The following GUF1 variants were observed in gnomAD, a reference collection of about 807,000 sequenced individuals.
The protein encoded by GUF1 is GTP binding elongation factor GUF1.
GUF1 carries 78 observed loss-of-function variants against 82.4 expected under a neutral mutation model. The observed-to-expected ratio is 0.95, with a 90% CI of 0.79 to 1.14. GUF1 has a LOEUF of 1.14. Ranked by LOEUF, GUF1 falls within the 50% of genes most tolerant of loss-of-function variation. The pLI, the probability that GUF1 is intolerant of heterozygous loss-of-function variation, is 0.00. For synonymous variants in GUF1, 279 were observed against 282.3 expected (o/e 0.99, Z 0.12); for missense variants, 814 against 798.2 (o/e 1.02, Z -0.24).
In GUF1 at chr4:44,683,230, TAAAGA is replaced by T; in HGVS notation, c.586-4_586del. The T allele has an allele frequency of 6.6e-7, 1 of 1,522,416 alleles. No homozygotes were observed. Among genetic ancestry groups the T allele is most frequent in the African/African-American group, 1.4e-5 (1 of 70,746 alleles). 94.3% of individuals were successfully genotyped at this position (1,522,416 alleles called of 1,614,324 possible). A position where few individuals can be genotyped will look rare whatever the true frequency, so the allele number is the denominator to read the frequency against. ...ACTTCACATAATGGATTTTTTTTTTTAAAGATAGATCTGAAGAATGCTGATCCTGA... is the reference window on the plus strand; with the variant it reads ...ACTTCACATAATGGATTTTTTTTTTTTAGATCTGAAGAATGCTGATCCTGA... On this transcript the variant is annotated splice_acceptor_variant and splice_polypyrimidine_tract_variant and coding_sequence_variant and intron_variant, in exon 6 of 17. Coordinates refer to ENST00000281543, the MANE Select transcript of GUF1 (RefSeq NM_021927.3). LOFTEE classifies it high-confidence loss of function.
intron 5 of GUF1, 102 bp from the exon 6 acceptor site, chr4:44,683,133 T>G: frequency 1.6e-6 from 1 of 617,460 alleles, no homozygotes; most frequent in Non-Finnish European, 2.7e-6. Context: ...GAGGGGTCAG[T>G]TAGGTTAAAG....
rs1716174776 is a variant in GUF1 at position 44,700,557 on chromosome 4, A to G, written c.*1876A>G. The G allele has an allele frequency of 6.6e-6, 1 of 152,118 alleles. No individual in the cohort carries two copies. Among genetic ancestry groups the G allele is most frequent in the African/African-American group, 2.4e-5 (1 of 41,508 alleles). 9.4% of individuals were successfully genotyped at this position (152,118 alleles called of 1,614,324 possible). On this transcript the variant is annotated 3_prime_UTR_variant, in exon 17 of 17. Transcript: ENST00000281543. ...CCTTACACATACTGATTGATGTCTC[A>G]TGTCTCTCTAAAATGTGTAAAACCA...
At chr4:44,684,614 C>T (rs1365362300) in intron 6 of GUF1, among the ~76,000 whole-genome samples, 1 of 151,970 alleles carries the variant, frequency 6.6e-6, no homozygotes, top group Non-Finnish European at 1.5e-5. Context: ...TTAATGGTAG[C>T]CCAGATGTGA....
At chr4:44,678,933 A>C (rs1041344541) in intron 1 of GUF1, 146 bp downstream of exon 1, 10 of 777,560 alleles carry the variant, frequency 1.3e-5, no homozygotes, top group African/African-American at 1.1e-4. Flanking sequence ...GAGTGTGAGC[A>C]CTGCTCAGGT....
intron 7 of GUF1, 151 bp downstream of exon 7, chr4:44,686,174 T>G: frequency 1.6e-6 from 1 of 632,416 alleles, no homozygotes; most frequent in Non-Finnish European, 2.8e-6. Context: ...ATAAATTTAT[T>G]TGCTTTTAGT....
chr4:44,691,308 A>C (rs1715427681), intron 12 of GUF1, among the ~76,000 whole-genome samples: 1 of 151,716 alleles, frequency 6.6e-6, no homozygotes, highest in Admixed American at 6.6e-5. Flanking sequence ...ACATATTGGA[A>C]AGTGTGTCAA....
chr4:44,697,343 G>A (rs1715890688), intron 15 of GUF1, 65 bp from the exon 16 acceptor site: 7 of 934,796 alleles, frequency 7.5e-6, no homozygotes, highest in South Asian at 7.4e-5. Flanking sequence ...ATTGTTTTTG[G>A]TAAGGAAGTG....
chr4:44,698,970 T>C lies in GUF1; in HGVS notation c.*289T>C, dbSNP rs1466710064. On this transcript the variant is annotated 3_prime_UTR_variant, in exon 17 of 17. Coordinates refer to ENST00000281543, the MANE Select transcript of GUF1 (RefSeq NM_021927.3). Reference sequence around the variant, plus strand: ...ATACTACTACCTACATAAGTTGTTGTTGTGAAGATTAAATGAGGTAATACG... The same window carrying C: ...ATACTACTACCTACATAAGTTGTTGCTGTGAAGATTAAATGAGGTAATACG... 1.6e-5 allele frequency: 4 copies of C among 255,146 alleles called. No homozygotes were observed. The highest frequency in any genetic ancestry group is 2.2e-5 in the Non-Finnish European group (3 of 134,400). 15.8% of individuals were successfully genotyped at this position (255,146 alleles called of 1,614,324 possible). A position where few individuals can be genotyped will look rare whatever the true frequency, so the allele number is the denominator to read the frequency against.
rs369135842 is a variant in GUF1, at chr4:44,680,716, T to C, written c.300T>C (p.Asn100=). ...TAGGGACAATTGATAAAACAAAGAA[T>C]AATAAGCAGGTTCTTGATAAATTGC... ...ELTGTIDKTK[N]NKQVLDKLQV... is the part of the protein sequence containing the mutation. The change falls in exon 3 of 17, where the codon AAT becomes AAC. Residue 100 remains asparagine, a synonymous_variant. Coordinates refer to ENST00000281543, the MANE Select transcript of GUF1 (RefSeq NM_021927.3). The C allele has an allele frequency of 6.2e-6, 10 of 1,605,238 alleles. No individual in the cohort carries two copies. The highest frequency in any genetic ancestry group is 1.7e-4 in the Middle Eastern group (1 of 6,058).
At chr4:44,687,974 C>T (rs754185214) in intron 8 of GUF1, 33 bp from the exon 9 acceptor site, 7 of 1,583,538 alleles carry the variant, frequency 4.4e-6, no homozygotes, top group Admixed American at 1.7e-5. Context: ...AACATTAAAG[C>T]AGTAAATATT....
intron 8 of GUF1, among the ~76,000 whole-genome samples, chr4:44,687,796 A>G (rs1358310306): frequency 1.3e-5 from 2 of 151,908 alleles, no homozygotes; most frequent in African/African-American, 2.4e-5. Context: ...CATTAGGTTT[A>G]TAAGTAGAGA....
chr4:44,680,644 C>CTT, intron 2 of GUF1, 50 bp from the exon 3 acceptor site: 21 of 1,238,114 alleles, frequency 1.7e-5, no homozygotes, highest in South Asian at 5.0e-5. Context: ...GTAATATTCT[C>CTT]TTTTTTTTTT....
Position 44,694,396 on chromosome 4 carries a change from A to G in GUF1, c.1614-16A>G, listed in dbSNP as rs765411073. The G allele has an allele frequency of 2.7e-6, 4 of 1,504,140 alleles. No homozygotes were observed. Among genetic ancestry groups the G allele is most frequent in the African/African-American group, 2.7e-5 (2 of 72,754 alleles). 93.2% of individuals were successfully genotyped at this position (1,504,140 alleles called of 1,614,324 possible). On this transcript the variant is annotated splice_polypyrimidine_tract_variant and intron_variant, in intron 13 of 16. Coordinates refer to ENST00000281543, the MANE Select transcript of GUF1 (RefSeq NM_021927.3). ...AGGAAGTGTAATATTTATCACTTGG[A>G]CTTTTTTCCTTTTAGTTTTGATTAC...
chr4:44,694,858 G>A (rs1162203542), intron 14 of GUF1, among the ~76,000 whole-genome samples: 1 of 151,904 alleles, frequency 6.6e-6, no homozygotes, highest in Non-Finnish European at 1.5e-5. Flanking sequence ...CCAGGCTGGA[G>A]TGCAGTGGCG....
intron 16 of GUF1, 107 bp from the exon 17 acceptor site, chr4:44,698,437 G>A (rs77375257): frequency 0.016 from 12,918 of 792,970 alleles, 153 homozygotes; most frequent in Non-Finnish European, 0.021. Context: ...CTGCCTTATG[G>A]ATAATAATTT....
intron 15 of GUF1, 111 bp downstream of exon 15, chr4:44,695,845 T>A: frequency 9.4e-7 from 1 of 1,063,236 alleles, no homozygotes; most frequent in Non-Finnish European, 1.4e-6. Flanking sequence ...TTCTTACTTG[T>A]AGAAACAGTA....
At chr4:44,681,594 A>T (rs1714776519) in intron 4 of GUF1, among the ~76,000 whole-genome samples, 1 of 152,120 alleles carries the variant, frequency 6.6e-6, no homozygotes, top group South Asian at 2.1e-4. Context: ...TAAGGCAATA[A>T]TTTGGAAGTA....
In GUF1 at chr4:44,691,667, C is replaced by T; in HGVS notation, c.1481C>T (p.Ala494Val). 1 of 1,584,218 alleles carries T rather than the reference C, an allele frequency of 6.3e-7. No individual in the cohort carries two copies. Among genetic ancestry groups the T allele is most frequent in the East Asian group, 2.3e-5 (1 of 43,796 alleles). ...CCATTTTCTTCCTTCCCTTTTTAGG[C>T]TCGAAGAGCAGTTCAGAAGAATATG... ...YTGKIMMLCE[A>V]RRAVQKNMIF... The change falls in exon 13 of 17, where the codon GCT becomes GTT. Residue 494 changes from alanine (A) to valine (V), a missense_variant and splice_region_variant. Physicochemically the swap from Ala to Val is moderately conservative, Grantham distance 64. Coordinates refer to ENST00000281543, the MANE Select transcript of GUF1 (RefSeq NM_021927.3).
rs1388044439 is a variant in GUF1 at position 44,681,184 on chromosome 4, T to G, written c.488T>G (p.Leu163Arg). 11 of 1,612,270 alleles carry G rather than the reference T, an allele frequency of 6.8e-6. No individual in the cohort carries two copies. The highest frequency in any genetic ancestry group is 8.5e-6 in the Non-Finnish European group (10 of 1,178,630). The change falls in exon 4 of 17, where the codon CTT (leucine) becomes CGT (arginine). Residue 163 changes from leucine to arginine, a missense_variant. Coordinates refer to ENST00000281543, the MANE Select transcript of GUF1 (RefSeq NM_021927.3). Reference sequence around the variant, plus strand: ...CTTTCTGCTTGCCAGGGTGTTTTACTTGTGGTTGATGCAAATGAGGTAGGT... The same window carrying G: ...CTTTCTGCTTGCCAGGGTGTTTTACGTGTGGTTGATGCAAATGAGGTAGGT... ...RSLSACQGVL[L>R]VVDANEGIQA...
Sources: allele counts gnomAD v4.1 joint callset (sites outside exome capture counted in the v4.1 genomes callset), GRCh38; gene constraint gnomAD v4.1.1; transcripts MANE v1.5; gene names NCBI Gene and HGNC (gene_info 2026-07-23, HGNC 2026-07-21).